The following MUC3A variants were observed in gnomAD, a reference collection of about 807,000 sequenced individuals.
MUC3A encodes mucin-3A.
Under a neutral mutation model 109.0 loss-of-function variants are expected in MUC3A, and 109 were observed. The observed-to-expected ratio is 1.00, with a 90% CI of 0.86 to 1.17. The LOEUF (loss-of-function observed/expected upper bound fraction) is 1.17. Among genes scored for constraint, MUC3A ranks in the 50% most tolerant of loss-of-function variants. MUC3A has a pLI of 0.00. For missense variants in MUC3A, 3,537 were observed against 2,469.4 expected (o/e 1.43, Z -9.16); for synonymous variants, 1,398 against 981.4 (o/e 1.42, Z -7.93).
intron 5 of MUC3A, 193 bp downstream of exon 5, chr7:100,963,945 CT>C: frequency 2.6e-6 from 2 of 774,714 alleles, no homozygotes; most frequent in Admixed American, 4.6e-5. Flanking sequence ...GGTGGCACCT[CT>C]CTTCTTCAGC....
In MUC3A at chr7:100,963,747, C is replaced by G; in HGVS notation, c.9228C>G (p.Ser3076=). The G allele has an allele frequency of 6.3e-7, 1 of 1,598,574 alleles. No individual in the cohort carries two copies. Among genetic ancestry groups the G allele is most frequent in the Non-Finnish European group, 8.5e-7 (1 of 1,179,832 alleles). The change falls in exon 5 of 12, where the codon TCC becomes TCG. Residue 3076 remains serine (S), a synonymous_variant. Transcript: ENST00000379458. ...CCTTCAAGGGTGTGGAGATCCTGTCCCTGAGGTAGGAGACCCATCTGGGGA... is the reference window on the plus strand; with the variant it reads ...CCTTCAAGGGTGTGGAGATCCTGTCGCTGAGGTAGGAGACCCATCTGGGGA... The part of the protein sequence containing the change: ...GFTFKGVEIL[S]LRNGSIVVDY...
At position 100,958,534 on chromosome 7, in the gene MUC3A, G is replaced by C; in HGVS notation, c.6755G>C (p.Ser2252Thr). 7.4e-7 allele frequency: 1 copy of C among 1,350,742 alleles called. No homozygotes were observed. Among genetic ancestry groups the C allele is most frequent in the South Asian group, 1.2e-5 (1 of 85,452 alleles). 83.7% of individuals were successfully genotyped at this position (1,350,742 alleles called of 1,614,324 possible). A position where few individuals can be genotyped will look rare whatever the true frequency, so the allele number is the denominator to read the frequency against. Residue 2252 changes from serine to threonine, a missense_variant, in exon 2 of 12, where the codon AGT becomes ACT. Ser to Thr is a moderately conservative substitution (Grantham distance 58). Transcript: ENST00000379458. ...ACCACCACTGAGACTACATCCCACA[G>C]TACTCCCAGCTTCACTTCTTCGATC... is the stretch of plus-strand genomic sequence containing the variant. ...SITTTETTSH[S>T]TPSFTSSITT...
rs878923425 is a variant in MUC3A at position 100,958,829 on chromosome 7, C to A, written c.7050C>A (p.Thr2350=). 3 of 1,439,836 alleles carry A rather than the reference C, an allele frequency of 2.1e-6. No individual in the cohort carries two copies. Among genetic ancestry groups the A allele is most frequent in the Non-Finnish European group, 2.7e-6 (3 of 1,092,474 alleles). The allele number at this position is 1,439,836 out of a possible 1,614,324, so 89.2% of individuals were successfully genotyped here. ...SFTSSITTTE[T]NSHSTTSFTS... is the part of the protein sequence containing the mutation. ...CTTCTTCGATCACCACCACCGAGACCAACTCTCACAGTACTACCAGCTTCA... is the reference window on the plus strand; with the variant it reads ...CTTCTTCGATCACCACCACCGAGACAAACTCTCACAGTACTACCAGCTTCA... Residue 2350 remains threonine, a synonymous_variant, in exon 2 of 12, where the codon ACC becomes ACA. Transcript: ENST00000379458.
At chr7:100,963,782 G>C in intron 5 of MUC3A, 30 bp downstream of exon 5, 1 of 1,597,240 alleles carries the variant, frequency 6.3e-7, no homozygotes, top group Non-Finnish European at 8.5e-7. Flanking sequence ...ATGCGGAGGC[G>C]GTGTTGGGTG....
rs1792146948 is a variant in MUC3A, at chr7:100,958,005, T to G, written c.6226T>G (p.Tyr2076Asp). The G allele has an allele frequency of 2.3e-6, 2 of 867,686 alleles. No individual in the cohort carries two copies. The highest frequency in any genetic ancestry group is 3.2e-5 in the African/African-American group (2 of 61,708). 53.7% of individuals were successfully genotyped at this position (867,686 alleles called of 1,614,324 possible). The stretch of plus-strand genomic sequence containing the variant: ...GATCACCTCACACAGTACTCTCAGC[T>G]ACACTACCTCAATCACCACCACCGA... ...TEITSHSTLS[Y>D]TTSITTTETP... Residue 2076 changes from tyrosine (Y) to aspartate (D), a missense_variant, in exon 2 of 12, where the codon TAC (tyrosine) becomes GAC (aspartate). Physicochemically the swap from Tyr to Asp is radical, Grantham distance 160 (BLOSUM62 -3). Transcript: ENST00000379458.
At chr7:100,962,804 TC>T (rs1354174014) in intron 3 of MUC3A, among the ~76,000 whole-genome samples, 2 of 47,458 alleles carry the variant, frequency 4.2e-5, no homozygotes, top group East Asian at 6.6e-4. Context: ...TCTTTCTCTC[TC>T]TCTCTCTCTT....
In MUC3A at chr7:100,966,569, CG is replaced by C. The variant is rs772330015; in HGVS notation, c.9785+16del. The C allele has an allele frequency of 4.1e-5, 62 of 1,504,616 alleles. No homozygotes were observed. The highest frequency in any genetic ancestry group is 5.3e-5 in the Non-Finnish European group (60 of 1,135,816). 93.2% of individuals were successfully genotyped at this position (1,504,616 alleles called of 1,614,324 possible). On this transcript the variant is annotated intron_variant, in intron 9 of 11. Transcript: ENST00000379458. ...GCCAGCGCCGAGGCCGGTGAGCGTG[CG>C]GGGGGCGGGGCCGGGGGGCGAGGGC...
At chr7:100,949,782 G>A (rs1479205597) in intron 1 of MUC3A, 97 bp downstream of exon 1, 24 of 1,240,058 alleles carry the variant, frequency 1.9e-5, no homozygotes, top group East Asian at 5.6e-5. Flanking sequence ...GGGGAGGGGG[G>A]ATAAGAAGGC....
intron 5 of MUC3A, 118 bp downstream of exon 5, chr7:100,963,870 A>C: frequency 6.9e-7 from 1 of 1,439,212 alleles, no homozygotes; most frequent in Non-Finnish European, 9.5e-7. Flanking sequence ...TGGAGGGGGT[A>C]CATAAGGAAT....
intron 1 of MUC3A, among the ~76,000 whole-genome samples, 162 bp from the exon 2 acceptor site, chr7:100,951,679 G>A (rs1305461827): frequency 9.7e-4 from 148 of 152,050 alleles, no homozygotes; most frequent in African/African-American, 3.5e-3. Context: ...GCACCACAAA[G>A]CACCCAGCTC....
Position 100,967,504 on chromosome 7 carries a change from C to T in MUC3A, c.*342C>T. The T allele has an allele frequency of 1.9e-6, 1 of 528,098 alleles. No individual in the cohort carries two copies. The allele number at this position is 528,098 out of a possible 1,614,324, so 32.7% of individuals were successfully genotyped here. On this transcript the variant is annotated 3_prime_UTR_variant, in exon 12 of 12. Transcript: ENST00000379458. ...GACTTGGTCAATTCTCGGTCCTACT[C>T]TGCCCTCCCGTCTCAGCCCTCGTGT...
At position 100,958,718 on chromosome 7, in the gene MUC3A, C is replaced by T. The variant is rs757785992; in HGVS notation, c.6939C>T (p.Thr2313=). The change falls in exon 2 of 12, where the codon ACC becomes ACT. Residue 2313 remains threonine (T), a synonymous_variant. Coordinates refer to ENST00000379458, the MANE Select transcript of MUC3A (RefSeq NM_005960.2). ...CCAGCTTCACTTCTTCGATCACCAC[C>T]ACGGAGACCACCTCACACAGTGCTC... ...STPSFTSSIT[T]TETTSHSAHS... 5 of 1,512,686 alleles carry T rather than the reference C, an allele frequency of 3.3e-6. No homozygotes were observed. Among genetic ancestry groups the T allele is most frequent in the Admixed American group, 1.8e-5 (1 of 55,710 alleles). 93.7% of individuals were successfully genotyped at this position (1,512,686 alleles called of 1,614,324 possible).
chr7:100,966,357 A>C, intron 8 of MUC3A, 29 bp from the exon 9 acceptor site: 1 of 1,309,202 alleles, frequency 7.6e-7, no homozygotes, highest in Non-Finnish European at 9.7e-7. Context: ...CCGGAGGTGA[A>C]GAGGGTCTGA....
At chr7:100,966,599 C>T in intron 9 of MUC3A, 40 bp downstream of exon 9, 1 of 1,595,868 alleles carries the variant, frequency 6.3e-7, no homozygotes, top group East Asian at 2.2e-5. Flanking sequence ...CGAGGGCAGC[C>T]AAGGGGTCCC....
intron 3 of MUC3A, 97 bp downstream of exon 3, chr7:100,961,034 C>G (rs1423630512): frequency 6.3e-7 from 1 of 1,577,310 alleles, no homozygotes; most frequent in Non-Finnish European, 8.5e-7. Flanking sequence ...GGCACCCATG[C>G]CTTTTTGCCC....
intron 6 of MUC3A, 71 bp downstream of exon 6, chr7:100,964,914 G>A: frequency 3.3e-6 from 5 of 1,520,240 alleles, no homozygotes; most frequent in African/African-American, 1.4e-5. Context: ...CAGCCAGGGG[G>A]CCACTGGGCT....
chr7:100,966,049 T>TCGCCCTAAAGCGTAGCCCCGCCTCC (rs1792530608), intron 8 of MUC3A, 183 bp downstream of exon 8: 10 of 855,670 alleles, frequency 1.2e-5, no homozygotes, highest in Non-Finnish European at 6.7e-6. Context: ...GCTCTGCTCC[T>TCGCCCTAAAGCGTAGCCCCGCCTCC]TTGATGGGGT....
chr7:100,965,288 G>A lies in MUC3A; in HGVS notation c.9389G>A (p.Cys3130Tyr), dbSNP rs745585616. ...TGTGCCTGTGTTTCCGCAGCCCTGT[G>A]TTTTAAGCCTGACTCCATCAAGGTG... The part of the protein sequence containing the change: ...VNSCQDSQTL[C>Y]FKPDSIKVNN... Residue 3130 changes from cysteine (C) to tyrosine (Y), a missense_variant, in exon 7 of 12, where the codon TGT (cysteine) becomes TAT (tyrosine). Transcript: ENST00000379458. 1.3e-6 allele frequency: 2 copies of A among 1,599,198 alleles called. No homozygotes were observed. Among genetic ancestry groups the A allele is most frequent in the East Asian group, 2.2e-5 (1 of 44,888 alleles).
rs767794343 is a variant in MUC3A at position 100,960,856 on chromosome 7, C to T, written c.8971C>T (p.Gln2991Ter). 2 of 1,598,412 alleles carry T rather than the reference C, an allele frequency of 1.3e-6. No individual in the cohort carries two copies. Among genetic ancestry groups the T allele is most frequent in the Admixed American group, 1.7e-5 (1 of 60,010 alleles). Reference protein sequence around the residue: ...QLQTRCQNGGQWDGLKCQCPS... With the variant: ...QLQTRCQNGG ...CCAGACCAGATGCCAGAATGGGGGT[C>T]AGTGGGATGGCCTCAAATGCCAGTG... Residue 2991 changes from glutamine (Q) to a stop codon, truncating the protein, a stop_gained, in exon 3 of 12, where the codon CAG (glutamine) becomes TAG (stop). Transcript: ENST00000379458. LOFTEE classifies it high-confidence loss of function.
Sources: allele counts gnomAD v4.1 joint callset (sites outside exome capture counted in the v4.1 genomes callset), GRCh38; gene constraint gnomAD v4.1.1; transcripts MANE v1.5; gene names NCBI Gene and HGNC (gene_info 2026-07-23, HGNC 2026-07-21).